SYN3: variants seen among roughly 807,000 people sequenced by gnomAD.
SYN3 encodes synapsin-3.
A neutral mutation model predicts 65.8 loss-of-function variants in SYN3; 35 were observed. The ratio of observed to expected loss-of-function variants is 0.53; its 90% confidence interval spans 0.41 to 0.70. The LOEUF is 0.70. SYN3 is among the 30% of genes least tolerant of loss of function. The pLI is 0.00. For missense variants in SYN3, 680 were observed against 749.0 expected (o/e 0.91, Z 1.08); for synonymous variants, 270 against 292.9 (o/e 0.92, Z 0.80).
chr22:32,911,642 G>A lies in SYN3; in HGVS notation c.461+19748C>T, dbSNP rs538089810. On this transcript the variant is annotated intron_variant, in intron 4 of 13. Transcript: ENST00000358763. ...TTATGTTTCTTTCTCTCAGCTCCGAGGGTGGTAATAAAAGATGGCTGCACG... is the reference window on the plus strand; with the variant it reads ...TTATGTTTCTTTCTCTCAGCTCCGAAGGTGGTAATAAAAGATGGCTGCACG... 7.7e-4 allele frequency among the ~76,000 whole-genome samples: 117 copies of A among 152,262 alleles called. 2 individuals are homozygous for A. Among genetic ancestry groups the A allele is most frequent in the Admixed American group, 7.5e-3 (115 of 15,298 alleles).
chr22:32,865,043 C>T (rs750072771), intron 5 of SYN3, 39 bp from the exon 6 acceptor site: 99 of 1,545,320 alleles, frequency 6.4e-5, no homozygotes, highest in Non-Finnish European at 8.8e-5. Flanking sequence ...CAACTATTGT[C>T]ACCCAGTATA....
At chr22:32,856,287 C>T (rs370329481) in intron 6 of SYN3, among the ~76,000 whole-genome samples, 33 of 152,046 alleles carry the variant, frequency 2.2e-4, no homozygotes, top group Middle Eastern at 3.4e-3. Context: ...CATGTGTAGC[C>T]GAAGGAGTGT....
In SYN3 at chr22:32,622,605, G is replaced by A. The variant is rs376897776; in HGVS notation, c.712-25869C>T. On this transcript the variant is annotated intron_variant, in intron 6 of 13. Transcript: ENST00000358763. ...ATGTGTTTTCTCACAGCCACACTTC[G>A]GTTAACATTCCAGAAAGTCAGAGCT... 1.2e-4 allele frequency among the ~76,000 whole-genome samples: 18 copies of A among 151,918 alleles called. 1 individual carries two copies. The highest frequency in any genetic ancestry group is 3.4e-3 in the Middle Eastern group (1 of 294).
chr22:32,744,060 C>G (rs2044855160), intron 6 of SYN3, among the ~76,000 whole-genome samples: 1 of 152,074 alleles, frequency 6.6e-6, no homozygotes, highest in African/African-American at 2.4e-5. Context: ...CCCAGGCCAC[C>G]CCTTGCTCTC....
intron 7 of SYN3, among the ~76,000 whole-genome samples, chr22:32,577,146 C>T (rs537610561): frequency 7.9e-4 from 121 of 152,262 alleles, no homozygotes; most frequent in Middle Eastern, 3.4e-3. Flanking sequence ...ACAAGCTTCC[C>T]GGGTGCTTCG....
intron 6 of SYN3, among the ~76,000 whole-genome samples, chr22:32,656,943 C>G (rs1449644015): frequency 6.6e-6 from 1 of 152,054 alleles, no homozygotes; most frequent in African/African-American, 2.4e-5. Flanking sequence ...GAAGCATTAG[C>G]TAAGGGCACC....
At chr22:32,731,165 A>G (rs2061265679) in intron 6 of SYN3, among the ~76,000 whole-genome samples, 1 of 152,136 alleles carries the variant, frequency 6.6e-6, no homozygotes, top group Non-Finnish European at 1.5e-5. Context: ...AGTGATCAAT[A>G]AATGTATTTT....
chr22:32,535,133 TG>T (rs2058142318), intron 9 of SYN3, among the ~76,000 whole-genome samples: 1 of 152,142 alleles, frequency 6.6e-6, no homozygotes, highest in African/African-American at 2.4e-5. Context: ...GATGATTAAG[TG>T]ACTGTACCGC....
intron 1 of SYN3, among the ~76,000 whole-genome samples, chr22:33,014,116 A>G (rs1252096343): frequency 6.6e-6 from 1 of 150,526 alleles, no homozygotes; most frequent in East Asian, 1.9e-4. Flanking sequence ...GGCTCTCACT[A>G]TGTTGCCTAG....
At chr22:32,796,475 G>A (rs1485495892) in intron 6 of SYN3, among the ~76,000 whole-genome samples, 1 of 152,168 alleles carries the variant, frequency 6.6e-6, no homozygotes, top group Non-Finnish European at 1.5e-5. Flanking sequence ...CAATTTTACT[G>A]CCATGAAATT....
At chr22:32,784,039 T>C (rs764368565) in intron 6 of SYN3, among the ~76,000 whole-genome samples, 34 of 152,228 alleles carry the variant, frequency 2.2e-4, no homozygotes, top group Non-Finnish European at 3.8e-4. Context: ...AATATAAGTG[T>C]TTGTTATTTT....
At chr22:32,517,054 G>A (rs1225722198) in intron 13 of SYN3, among the ~76,000 whole-genome samples, 1 of 152,198 alleles carries the variant, frequency 6.6e-6, no homozygotes, top group East Asian at 1.9e-4. Context: ...GAAACAGGAT[G>A]TATATGTGTA....
At chr22:32,635,163 C>T (rs1207513149) in intron 6 of SYN3, 1 of 152,180 alleles carries the variant, frequency 6.6e-6, no homozygotes, top group Admixed American at 6.5e-5. Flanking sequence ...CAAGATCAGA[C>T]AAGAGCGGTG....
chr22:32,628,417 G>A (rs1332759137), intron 6 of SYN3, among the ~76,000 whole-genome samples: 1 of 152,136 alleles, frequency 6.6e-6, no homozygotes, highest in African/African-American at 2.4e-5. Context: ...ATCTGGGACT[G>A]GTGGGAACAG....
At chr22:32,796,526 G>A (rs1228927321) in intron 6 of SYN3, among the ~76,000 whole-genome samples, 1 of 152,172 alleles carries the variant, frequency 6.6e-6, no homozygotes, top group East Asian at 1.9e-4. Flanking sequence ...ACCCCCTGCT[G>A]GTGCCAGACA....
intron 12 of SYN3, among the ~76,000 whole-genome samples, chr22:32,523,427 C>T (rs552269110): frequency 3.9e-5 from 6 of 152,236 alleles, no homozygotes; most frequent in East Asian, 3.9e-4. Context: ...GCAGGAGAAT[C>T]GCTTGAGCCC....
At chr22:32,845,015 C>A (rs1034189903) in intron 6 of SYN3, among the ~76,000 whole-genome samples, 5 of 152,104 alleles carry the variant, frequency 3.3e-5, no homozygotes. Flanking sequence ...AGGCATGTGC[C>A]ACCACACCCA....
chr22:32,869,689 G>GTTTTTTTTTT (rs1288480674), intron 4 of SYN3, among the ~76,000 whole-genome samples: 2 of 118,444 alleles, frequency 1.7e-5, no homozygotes, highest in Admixed American at 9.7e-5. Flanking sequence ...AACACATCTT[G>GTTTTTTTTTT]GTTTTTTTTT....
chr22:32,732,636 G>T (rs146390586), intron 6 of SYN3, among the ~76,000 whole-genome samples: 3 of 152,318 alleles, frequency 2.0e-5, no homozygotes, highest in African/African-American at 7.2e-5. Context: ...GTAAAGTGAG[G>T]ATTAACAGTG....
Sources: allele counts gnomAD v4.1 joint callset (sites outside exome capture counted in the v4.1 genomes callset), GRCh38; gene constraint gnomAD v4.1.1; transcripts MANE v1.5; gene names NCBI Gene and HGNC (gene_info 2026-07-23, HGNC 2026-07-21).